Variants in RFX8 observed in about 807,000 individuals in gnomAD.
RFX8 encodes the protein DNA-binding protein RFX8.
RFX8 carries 46 observed loss-of-function variants against 54.6 expected under a neutral mutation model. The observed-to-expected ratio is 0.84, with a 90% confidence interval of 0.67 to 1.08. The LOEUF (loss-of-function observed/expected upper bound fraction) is 1.08. Ranked by LOEUF, RFX8 falls within the 50% of genes least tolerant of loss-of-function variation. RFX8 has a pLI of 0.00. For synonymous variants in RFX8, 192 were observed against 209.5 expected (o/e 0.92, Z 0.72); for missense variants, 536 against 562.3 (o/e 0.95, Z 0.47).
At chr2:101,446,197 A>T (rs969461323) in intron 2 of RFX8, among the ~76,000 whole-genome samples, 2 of 152,036 alleles carry the variant, frequency 1.3e-5, no homozygotes, top group Admixed American at 1.3e-4. Context: ...TCTTTTTGAG[A>T]TGGTGTCTCA....
At chr2:101,449,269 A>C (rs1688554081) in intron 2 of RFX8, among the ~76,000 whole-genome samples, 1 of 152,170 alleles carries the variant, frequency 6.6e-6, no homozygotes, top group African/African-American at 2.4e-5. Context: ...AAGAACAAGC[A>C]CTCACGTGTT....
chr2:101,411,503 A>G (rs201296404), intron 8 of RFX8, among the ~76,000 whole-genome samples: 1 of 151,844 alleles, frequency 6.6e-6, no homozygotes, highest in East Asian at 1.9e-4. Flanking sequence ...CGGGCGGGGG[A>G]GGGGGTGTCT....
intron 2 of RFX8, among the ~76,000 whole-genome samples, chr2:101,429,266 A>G (rs1558862029): frequency 6.6e-6 from 1 of 152,218 alleles, no homozygotes; most frequent in South Asian, 2.1e-4. Context: ...CAAGAATATG[A>G]TATCGTCATG....
chr2:101,431,505 AGGATAGCTTATT>A (rs1687487448), intron 2 of RFX8, among the ~76,000 whole-genome samples: 1 of 152,184 alleles, frequency 6.6e-6, no homozygotes, highest in East Asian at 1.9e-4. Flanking sequence ...TCACCATATA[AGGATAGCTTATT>A]AAACAATTTT....
At chr2:101,404,402 A>G (rs1685610656) in intron 10 of RFX8, among the ~76,000 whole-genome samples, 1 of 152,142 alleles carries the variant, frequency 6.6e-6, no homozygotes, top group Admixed American at 6.5e-5. Context: ...CAGAGAAGGT[A>G]GACTGGGAAA....
At chr2:101,441,030 G>A (rs1395516641) in intron 2 of RFX8, among the ~76,000 whole-genome samples, 2 of 147,460 alleles carry the variant, frequency 1.4e-5, no homozygotes, top group Admixed American at 6.9e-5. Context: ...GCAGTGGCAC[G>A]ATCTTGGCTC....
chr2:101,448,915 G>A (rs1354294465), intron 2 of RFX8, among the ~76,000 whole-genome samples: 1 of 152,228 alleles, frequency 6.6e-6, no homozygotes, highest in African/African-American at 2.4e-5. Flanking sequence ...AGGAATGCTG[G>A]TTGTATGGAT....
chr2:101,461,647 T>A (rs537539940), intron 2 of RFX8, among the ~76,000 whole-genome samples: 2 of 152,294 alleles, frequency 1.3e-5, no homozygotes, highest in South Asian at 4.1e-4. Flanking sequence ...GACTATCCTG[T>A]GATTTCATTT....
At chr2:101,437,301 G>T (rs1415436920) in intron 2 of RFX8, among the ~76,000 whole-genome samples, 1 of 151,950 alleles carries the variant, frequency 6.6e-6, no homozygotes, top group African/African-American at 2.4e-5. Flanking sequence ...TTAGCCAAGT[G>T]CAGTGACTCC....
At chr2:101,448,929 C>T (rs1453256281) in intron 2 of RFX8, among the ~76,000 whole-genome samples, 1 of 152,144 alleles carries the variant, frequency 6.6e-6, no homozygotes, top group East Asian at 1.9e-4. Context: ...TATGGATGGA[C>T]AGTGGTCAGC....
At chr2:101,452,726 C>G (rs1449027953) in intron 2 of RFX8, among the ~76,000 whole-genome samples, 4 of 152,158 alleles carry the variant, frequency 2.6e-5, no homozygotes, top group African/African-American at 9.7e-5. Flanking sequence ...CTTTGGGAGG[C>G]TGAGGCAGGC....
intron 2 of RFX8, among the ~76,000 whole-genome samples, chr2:101,430,326 TCTC>T (rs1175907223): frequency 6.6e-6 from 1 of 152,198 alleles, no homozygotes; most frequent in East Asian, 1.9e-4. Context: ...TGAGTTGCCT[TCTC>T]CTCAAATTCC....
At chr2:101,445,118 C>A (rs1403278987) in intron 2 of RFX8, among the ~76,000 whole-genome samples, 1 of 152,188 alleles carries the variant, frequency 6.6e-6, no homozygotes, top group Non-Finnish European at 1.5e-5. Context: ...AGGGCTGCCA[C>A]AAAAGCCTCT....
Position 101,427,316 on chromosome 2 carries a change from C to T in RFX8, c.73-4844G>A, listed in dbSNP as rs187056663. Among the ~76,000 whole-genome samples the T allele has an allele frequency of 4.9e-3, 751 of 152,262 alleles. 3 individuals carry two copies. The highest frequency in any genetic ancestry group is 8.5e-3 in the Non-Finnish European group (580 of 68,038). On this transcript the variant is annotated intron_variant, in intron 2 of 11. Coordinates refer to ENST00000428343, the MANE Select transcript of RFX8 (RefSeq NM_001145664.2). The stretch of plus-strand genomic sequence containing the variant: ...TTTTCCTGCCTTATCCAAGTGGCCT[C>T]ATGTCATCACAAAGGTGCTTTAGAA...
chr2:101,440,959 T>C (rs1171889671), intron 2 of RFX8, among the ~76,000 whole-genome samples: 2 of 103,766 alleles, frequency 1.9e-5, no homozygotes, highest in Non-Finnish European at 4.0e-5. Context: ...CTGAAACCCA[T>C]GTTGAAATTT....
intron 2 of RFX8, among the ~76,000 whole-genome samples, chr2:101,433,167 C>T (rs1212123956): frequency 1.3e-5 from 2 of 152,164 alleles, no homozygotes; most frequent in African/African-American, 2.4e-5. Flanking sequence ...TTAAGCAAGT[C>T]ACATGAAGCG....
chr2:101,466,701 GC>G, intron 2 of RFX8, 75 bp downstream of exon 2: 1 of 1,045,166 alleles, frequency 9.6e-7, no homozygotes, highest in African/African-American at 1.6e-5. Flanking sequence ...CAAATACATT[GC>G]AACATTTCCT....
intron 4 of RFX8, among the ~76,000 whole-genome samples, chr2:101,421,069 T>A (rs533585180): frequency 2.0e-5 from 3 of 152,320 alleles, no homozygotes; most frequent in African/African-American, 4.8e-5. Flanking sequence ...GACATCTTGG[T>A]CTCTCCCTCA....
chr2:101,428,289 T>C (rs1435307189), intron 2 of RFX8, among the ~76,000 whole-genome samples: 2 of 152,126 alleles, frequency 1.3e-5, no homozygotes, highest in African/African-American at 2.4e-5. Flanking sequence ...TGTGATGGTA[T>C]TTGGAGGTGG....
Sources: gnomAD v4.1 joint callset for allele counts (sites outside exome capture counted in the v4.1 genomes callset) on GRCh38, gnomAD v4.1.1 for gene constraint, MANE v1.5 for transcripts, NCBI Gene and HGNC (gene_info 2026-07-23, HGNC 2026-07-21) for gene names.